LRRC53: variants seen among roughly 807,000 people sequenced by gnomAD.
LRRC53 encodes the protein leucine-rich repeat-containing protein 53.
LRRC53 carries 25 observed loss-of-function variants against 13.6 expected under a neutral mutation model. That is an observed-to-expected ratio of 1.83 (90% CI 1.34 to 2.56). The LOEUF is 2.56. Ranked by LOEUF, LRRC53 falls within the 30% of genes most tolerant of loss-of-function variation. The pLI is 0.00. For missense variants in LRRC53, 527 were observed against 275.8 expected, an observed-to-expected ratio of 1.91 and a Z score of -6.45; for synonymous variants, 204 against 109.8, an observed-to-expected ratio of 1.86 and a Z score of -5.37.
At chr1:74,510,457 G>A (rs565002436) in intron 1 of LRRC53, among the ~76,000 whole-genome samples, 10 of 152,190 alleles carry the variant, frequency 6.6e-5, no homozygotes, top group African/African-American at 1.9e-4. Flanking sequence ...GCAGAGAGCC[G>A]ACATCGCGCC....
At chr1:74,523,942 G>T in the LRRC53 span, among the ~76,000 whole-genome samples, 15 of 150,414 alleles carry the variant, frequency 1.0e-4, no homozygotes, top group South Asian at 3.0e-3. Flanking sequence ...ACCCCCGACA[G>T]GCCCCAGTGT....
At chr1:74,534,359 G>A in the LRRC53 span, among the ~76,000 whole-genome samples, 2 of 152,312 alleles carry the variant, frequency 1.3e-5, no homozygotes, top group South Asian at 4.1e-4. Context: ...CCCATCTGAA[G>A]TCTTCTTTGG....
chr1:74,519,914 C>T, the LRRC53 span, among the ~76,000 whole-genome samples: 1 of 152,098 alleles, frequency 6.6e-6, no homozygotes, highest in Non-Finnish European at 1.5e-5. Flanking sequence ...GCTCTGGATG[C>T]CCTGACTGGA....
chr1:74,524,168 G>T, the LRRC53 span, among the ~76,000 whole-genome samples: 1 of 152,248 alleles, frequency 6.6e-6, no homozygotes, highest in Non-Finnish European at 1.5e-5. Context: ...TCTTCTTTGT[G>T]AAAAGTCTTT....
At chr1:74,534,677 T>C in the LRRC53 span, among the ~76,000 whole-genome samples, 2 of 152,204 alleles carry the variant, frequency 1.3e-5, no homozygotes, top group African/African-American at 4.8e-5. Context: ...TACATAGAGT[T>C]TTAGGAGTAT....
In LRRC53 at chr1:74,470,753, GCTCT is replaced by G; in HGVS notation, c.2865_2868del (p.Arg955SerfsTer16). On this transcript the variant is annotated frameshift_variant, in exon 5 of 5. Transcript: ENST00000294635. LOFTEE classifies it low-confidence loss of function (END_TRUNC). ...TCAAGCTGTGCATGACTTGAATTTT[GCTCT>G]CTGTGTTGTAAGGCTTCATTTTGGT... 5.0e-6 allele frequency: 2 copies of G among 400,428 alleles called. No homozygotes were observed. The highest frequency in any genetic ancestry group is 7.1e-5 in the East Asian group (2 of 28,050). The allele number at this position is 400,428 out of a possible 1,614,324, so 24.8% of individuals were successfully genotyped here. A position where few individuals can be genotyped will look rare whatever the true frequency, so the allele number is the denominator to read the frequency against.
At chr1:74,521,067 TC>T in the LRRC53 span, among the ~76,000 whole-genome samples, 2 of 152,134 alleles carry the variant, frequency 1.3e-5, no homozygotes, top group African/African-American at 4.8e-5. Flanking sequence ...TACAGCTATT[TC>T]TCCTTTGGGC....
intron 1 of LRRC53, among the ~76,000 whole-genome samples, chr1:74,497,747 T>C (rs1203059203): frequency 6.6e-6 from 1 of 152,162 alleles, no homozygotes; most frequent in Non-Finnish European, 1.5e-5. Flanking sequence ...CCTACTACCA[T>C]CATAATTTTT....
the LRRC53 span, among the ~76,000 whole-genome samples, chr1:74,519,289 A>G: frequency 2.4e-5 from 2 of 84,452 alleles, no homozygotes; most frequent in Non-Finnish European, 4.4e-5. Context: ...TCATTGTTGG[A>G]CATTTGGGTT....
intron 1 of LRRC53, among the ~76,000 whole-genome samples, chr1:74,496,117 A>T (rs1007252236): frequency 6.6e-6 from 1 of 152,198 alleles, no homozygotes; most frequent in African/African-American, 2.4e-5. Context: ...CCCAGGCATC[A>T]GAATGCTTTA....
At chr1:74,493,076 C>A (rs1236556459) in intron 1 of LRRC53, among the ~76,000 whole-genome samples, 2 of 152,140 alleles carry the variant, frequency 1.3e-5, no homozygotes, top group Non-Finnish European at 2.9e-5. Context: ...CCTTAAAGGC[C>A]TTCTCTCCAA....
intron 1 of LRRC53, among the ~76,000 whole-genome samples, chr1:74,498,871 T>G (rs1299920029): frequency 1.3e-5 from 2 of 152,210 alleles, no homozygotes; most frequent in Non-Finnish European, 2.9e-5. Flanking sequence ...ATTTTAATAT[T>G]TAAAACTTCT....
chr1:74,523,441 C>CTT, the LRRC53 span, among the ~76,000 whole-genome samples: 56 of 151,336 alleles, frequency 3.7e-4, no homozygotes, highest in South Asian at 5.6e-3. Context: ...TAAGATTTTT[C>CTT]TTTTTTTTAA....
At chr1:74,525,702 G>GA in the LRRC53 span, among the ~76,000 whole-genome samples, 2 of 152,158 alleles carry the variant, frequency 1.3e-5, no homozygotes, top group African/African-American at 4.8e-5. Context: ...TATGACCATG[G>GA]AGGCCTGGAT....
intron 1 of LRRC53, among the ~76,000 whole-genome samples, chr1:74,485,216 A>C (rs1176602963): frequency 1.3e-5 from 2 of 152,226 alleles, no homozygotes; most frequent in Non-Finnish European, 1.5e-5. Flanking sequence ...TTTAAGAAGG[A>C]TGTAGCTCTT....
At position 74,479,918 on chromosome 1, in the gene LRRC53, G is replaced by A. The variant is rs1668395753; in HGVS notation, c.904+235C>T. 2.0e-5 allele frequency among the ~76,000 whole-genome samples: 3 copies of A among 152,188 alleles called. No homozygotes were observed. The South Asian group carries it at 6.2e-4, about 31-fold the overall frequency. On this transcript the variant is annotated intron_variant, in intron 3 of 4. Transcript: ENST00000294635. ...AGGTCACCAATGCTATTTATACCAG[G>A]GCTGGAGCCCTTGAATTCTGGTCCA...
chr1:74,474,424 T>G (rs1668089688), intron 4 of LRRC53, among the ~76,000 whole-genome samples: 1 of 152,064 alleles, frequency 6.6e-6, no homozygotes, highest in South Asian at 2.1e-4. Context: ...ATAACATACG[T>G]GAAATAACAT....
At chr1:74,510,787 C>T (rs2100379061) in intron 1 of LRRC53, among the ~76,000 whole-genome samples, 1 of 152,324 alleles carries the variant, frequency 6.6e-6, no homozygotes, top group African/African-American at 2.4e-5. Flanking sequence ...TGTTGATTTC[C>T]CTCTAGGTAC....
chr1:74,484,931 A>C (rs1326644314), intron 1 of LRRC53, among the ~76,000 whole-genome samples: 1 of 152,210 alleles, frequency 6.6e-6, no homozygotes, highest in Non-Finnish European at 1.5e-5. Context: ...AGGCAATTGT[A>C]GTAATACAAG....
Sources: allele counts gnomAD v4.1 joint callset (sites outside exome capture counted in the v4.1 genomes callset), GRCh38; gene constraint gnomAD v4.1.1; transcripts MANE v1.5; gene names NCBI Gene and HGNC (gene_info 2026-07-23, HGNC 2026-07-21).